Variants in LRRC37B observed in about 807,000 individuals in gnomAD.
The protein encoded by LRRC37B is leucine rich repeat containing 37B, also known as leucine-rich repeat-containing protein 37B.
LRRC37B carries 28 observed loss-of-function variants against 98.3 expected under a neutral mutation model. That is an observed-to-expected ratio of 0.28 (90% CI 0.21 to 0.39). The LOEUF (loss-of-function observed/expected upper bound fraction) is 0.39. Among genes scored for constraint, LRRC37B ranks in the 10% least tolerant of loss-of-function variants. LRRC37B has a pLI of 1.00. For missense variants in LRRC37B, 938 were observed against 1,182.7 expected (o/e 0.79, Z 3.03); for synonymous variants, 364 against 442.7 (o/e 0.82, Z 2.23).
chr17:32,010,610 A>ATG (rs1483542251), intron 1 of LRRC37B, among the ~76,000 whole-genome samples: 1 of 152,260 alleles, frequency 6.6e-6, no homozygotes, highest in Non-Finnish European at 1.5e-5. Flanking sequence ...TAGGGTATCC[A>ATG]TCATCTCAGA....
intron 9 of LRRC37B, among the ~76,000 whole-genome samples, chr17:32,048,598 G>C (rs1467864053): frequency 6.6e-6 from 1 of 152,144 alleles, no homozygotes; most frequent in East Asian, 1.9e-4. Context: ...TGAAAAACAT[G>C]AAGGCTGCTA....
intron 2 of LRRC37B, among the ~76,000 whole-genome samples, chr17:32,025,468 A>G: frequency 6.6e-6 from 1 of 150,936 alleles, no homozygotes. Context: ...TTCCCCATTT[A>G]CCTACATACA....
At chr17:32,023,873 T>C (rs879616918) in intron 1 of LRRC37B, among the ~76,000 whole-genome samples, 14 of 152,188 alleles carry the variant, frequency 9.2e-5, no homozygotes, top group Admixed American at 8.5e-4. Flanking sequence ...GCGGTGTATA[T>C]AATTAATTCC....
In LRRC37B at chr17:32,015,713, C is replaced by A. The variant is rs141288857; in HGVS notation, c.-190-2259C>A. On this transcript the variant is annotated intron_variant, in intron 1 of 14. Transcript: ENST00000543378. ...TTTACCTCTGCACCTCTGCCCTCGG[C>A]GGGTACTTTTGTTTATGGGTGTCAT... 5.1e-3 allele frequency among the ~76,000 whole-genome samples: 783 copies of A among 152,256 alleles called. 3 individuals are homozygous for A. Among genetic ancestry groups the A allele is most frequent in the South Asian group, 0.016 (77 of 4,828 alleles).
At chr17:32,026,491 C>T (rs1378990621) in intron 2 of LRRC37B, among the ~76,000 whole-genome samples, 3 of 152,206 alleles carry the variant, frequency 2.0e-5, no homozygotes, top group Admixed American at 2.0e-4. Context: ...TTCACTGGTG[C>T]GATCTTGGCT....
chr17:32,023,120 C>CTT (rs1224317741), intron 1 of LRRC37B, among the ~76,000 whole-genome samples: 2,312 of 133,048 alleles, frequency 0.017, 81 homozygotes, highest in African/African-American at 0.054. Context: ...GCTTCACCCT[C>CTT]TTTTTTTTTT....
intron 6 of LRRC37B, 89 bp from the exon 10 acceptor site, chr17:32,035,476 A>G (rs1911221458): frequency 1.4e-6 from 2 of 1,381,230 alleles, no homozygotes; most frequent in African/African-American, 1.5e-5. Flanking sequence ...AAGCCAAAAT[A>G]GAAGTAATCA....
chr17:32,015,356 C>G (rs1450096225), intron 1 of LRRC37B, among the ~76,000 whole-genome samples: 1 of 152,154 alleles, frequency 6.6e-6, no homozygotes, highest in Non-Finnish European at 1.5e-5. Context: ...CAGATTATTC[C>G]TTCTTGATAT....
At chr17:32,007,675 CCCG>C (rs1001738091), upstream of LRRC37B, among the ~76,000 whole-genome samples, 2 of 151,062 alleles carry the variant, frequency 1.3e-5, no homozygotes. The surrounding 1 kb of genome is among the most constrained non-coding windows in gnomAD (Gnocchi z 4.1). Flanking sequence ...GCGCCCCGGC[CCCG>C]CCGCCGCCGC....
chr17:32,035,506 T>C, intron 6 of LRRC37B, 59 bp from the exon 10 acceptor site: 2 of 1,523,234 alleles, frequency 1.3e-6, no homozygotes, highest in Non-Finnish European at 1.8e-6. Context: ...GAATTATCTT[T>C]TGAAGTACAG....
intron 1 of LRRC37B, among the ~76,000 whole-genome samples, chr17:32,010,405 T>G (rs997369960): frequency 7.2e-5 from 11 of 152,246 alleles, no homozygotes; most frequent in African/African-American, 2.7e-4. Flanking sequence ...GGGTAGTGGA[T>G]TGGCCATGGT....
intron 7 of LRRC37B, among the ~76,000 whole-genome samples, chr17:32,039,409 A>C (rs941769867): frequency 3.5e-5 from 5 of 143,248 alleles, no homozygotes; most frequent in African/African-American, 1.3e-4. Context: ...CCCAGGAGGT[A>C]GAGGTTGCAG....
rs978217063 is a variant in LRRC37B, at chr17:32,024,532, T to C, written c.1761-179T>C. On this transcript the variant is annotated intron_variant, in intron 1 of 11. Transcript: ENST00000327564. ...GGAGATGCCTCATCATTTGTGCCAG[T>C]GGCCCCGCATTATTTCTTGATGAAG... 3.2e-5 allele frequency: 35 copies of C among 1,102,466 alleles called. No homozygotes were observed. In the East Asian group the frequency reaches 4.0e-4, roughly 13 times the overall value. 68.3% of individuals were successfully genotyped at this position (1,102,466 alleles called of 1,614,324 possible). A position where few individuals can be genotyped will look rare whatever the true frequency, so the allele number is the denominator to read the frequency against.
chr17:32,050,467 G>A (rs1342291861), intron 11 of LRRC37B: 1 of 260,888 alleles, frequency 3.8e-6, no homozygotes, highest in Non-Finnish European at 7.7e-6. Flanking sequence ...AATGATGAGA[G>A]ACATATAATC....
intron 7 of LRRC37B, chr17:32,041,303 G>A: frequency 1.3e-6 from 1 of 757,748 alleles, no homozygotes; most frequent in Non-Finnish European, 2.4e-6. Flanking sequence ...CTTCCGACAA[G>A]TCCATCTGGA....
chr17:32,007,898 G>A, upstream of LRRC37B: 1 of 867,822 alleles, frequency 1.2e-6, no homozygotes, highest in East Asian at 4.7e-5. The surrounding 1 kb of genome is among the most constrained non-coding windows in gnomAD (Gnocchi z 4.1). Context: ...CAGCCACCTA[G>A]CCCGGACCAC....
chr17:32,040,228 T>C (rs1035943289), intron 7 of LRRC37B: 8 of 207,364 alleles, frequency 3.9e-5, no homozygotes, highest in African/African-American at 1.9e-4. Context: ...TCACTTACAG[T>C]CTCAAAGTTT....
intron 9 of LRRC37B, 187 bp downstream of exon 12, chr17:32,048,088 C>T (rs1221542910): frequency 5.6e-5 from 60 of 1,068,900 alleles, no homozygotes; most frequent in Non-Finnish European, 5.7e-5. Context: ...AAGAGCCCCT[C>T]ACAGTCCAGC....
chr17:32,021,671 A>T lies in LRRC37B; in HGVS notation c.606A>T (p.Leu202=), dbSNP rs766127708. The T allele has an allele frequency of 5.6e-6, 9 of 1,614,246 alleles. No homozygotes were observed. The South Asian group carries it at 9.9e-5, about 18-fold the overall frequency. ...AGGCAGATGAAATACTTGTTCCACT[A>T]GACAGTAAGGTTTCAAGACCAACCA... Residue 202 remains leucine (L), a synonymous_variant, in exon 1 of 12, where the codon CTA becomes CTT. Coordinates refer to ENST00000327564, the Ensembl canonical transcript of LRRC37B.
Sources: allele counts gnomAD v4.1 joint callset (sites outside exome capture counted in the v4.1 genomes callset), GRCh38; gene constraint gnomAD v4.1.1; non-coding constraint Gnocchi (gnomAD v3.1); transcripts MANE v1.5; gene names NCBI Gene and HGNC (gene_info 2026-07-23, HGNC 2026-07-21).